KYNU: variants seen among roughly 807,000 people sequenced by gnomAD.
The protein encoded by KYNU is L-kynurenine hydrolase.
Under a neutral mutation model 59.2 loss-of-function variants are expected in KYNU, and 54 were observed. The observed-to-expected ratio is 0.91, with a 90% CI of 0.73 to 1.14. The LOEUF (loss-of-function observed/expected upper bound fraction) is 1.14. KYNU is among the 50% of genes most tolerant of loss of function. The pLI, the probability that KYNU is intolerant of heterozygous loss-of-function variation, is 0.00. For missense variants in KYNU, 567 were observed against 554.4 expected, an observed-to-expected ratio of 1.02 and a Z score of -0.23; for synonymous variants, 177 against 192.0, an observed-to-expected ratio of 0.92 and a Z score of 0.65.
intron 8 of KYNU, among the ~76,000 whole-genome samples, chr2:142,962,194 C>A (rs1481095975): frequency 6.6e-6 from 1 of 152,172 alleles, no homozygotes; most frequent in Non-Finnish European, 1.5e-5. Context: ...TCTCATTAAC[C>A]TTCCTAGACA....
At chr2:142,933,861 A>C (rs1369002787) in intron 4 of KYNU, among the ~76,000 whole-genome samples, 3 of 152,166 alleles carry the variant, frequency 2.0e-5, no homozygotes, top group Non-Finnish European at 2.9e-5. Context: ...AGCTGATGTG[A>C]AAGTTTGGAG....
chr2:142,933,428 A>T (rs1311121240), intron 4 of KYNU, among the ~76,000 whole-genome samples: 1 of 152,120 alleles, frequency 6.6e-6, no homozygotes, highest in African/African-American at 2.4e-5. Flanking sequence ...GCAGCTTGGT[A>T]TAATGGTTTG....
intron 10 of KYNU, among the ~76,000 whole-genome samples, chr2:142,998,652 A>G (rs1685615727): frequency 6.6e-6 from 1 of 152,108 alleles, no homozygotes; most frequent in Non-Finnish European, 1.5e-5. Flanking sequence ...TAGAGATTCT[A>G]AAAGAATAGA....
At chr2:143,018,087 G>A (rs913043365) in intron 10 of KYNU, among the ~76,000 whole-genome samples, 2 of 152,108 alleles carry the variant, frequency 1.3e-5, no homozygotes, top group South Asian at 2.1e-4. Flanking sequence ...CCATTCTATA[G>A]GTTGTATGTT....
At chr2:142,880,807 G>T (rs1226261377) in intron 1 of KYNU, among the ~76,000 whole-genome samples, 1 of 152,194 alleles carries the variant, frequency 6.6e-6, no homozygotes, top group Non-Finnish European at 1.5e-5. Flanking sequence ...ATGCCAAGCG[G>T]TAGAGACACA....
Position 142,915,575 on chromosome 2 carries a change from G to T in KYNU, c.170-3034G>T, listed in dbSNP as rs1002513721. On this transcript the variant is annotated intron_variant, in intron 2 of 13. Transcript: ENST00000264170. ...GAGTAAGCTCATAAGGTCCACAGTG[G>T]TGGACATTTTTGATGCACTAAAATG... is the stretch of plus-strand genomic sequence containing the variant. 7.2e-5 allele frequency among the ~76,000 whole-genome samples: 11 copies of T among 152,286 alleles called. No individual in the cohort carries two copies. In the East Asian group the frequency reaches 1.4e-3, roughly 19 times the overall value.
At chr2:142,996,349 C>T (rs763514813) in intron 10 of KYNU, among the ~76,000 whole-genome samples, 4 of 151,940 alleles carry the variant, frequency 2.6e-5, no homozygotes, top group African/African-American at 9.7e-5. Context: ...GTATGTTTAC[C>T]GAACATTATG....
rs531300250 is a variant in KYNU, at chr2:143,017,649, GC to G, written c.903-11977del. On this transcript the variant is annotated intron_variant, in intron 10 of 13. Transcript: ENST00000264170. ...GACATGGTTTCACCATGTTGGCCAG[GC>G]TGGTTTCAAACTCCTGACCTCAGGT... Among the ~76,000 whole-genome samples, 1,044 of 151,924 alleles carry G rather than the reference GC, an allele frequency of 6.9e-3. 8 individuals carry two copies. The highest frequency in any genetic ancestry group is 0.012 in the Non-Finnish European group (783 of 67,936).
At chr2:142,936,521 C>T (rs554216822) in intron 4 of KYNU, among the ~76,000 whole-genome samples, 16 of 152,250 alleles carry the variant, frequency 1.1e-4, no homozygotes, top group African/African-American at 3.6e-4. Context: ...TCCTGGACAG[C>T]TGGAGGGAGA....
intron 8 of KYNU, among the ~76,000 whole-genome samples, chr2:142,982,742 A>T (rs924542560): frequency 6.6e-6 from 1 of 152,116 alleles, no homozygotes; most frequent in Admixed American, 6.6e-5. Flanking sequence ...ATTAAGCACC[A>T]TATAAAACAG....
chr2:142,890,218 A>T (rs1385221898), intron 2 of KYNU, among the ~76,000 whole-genome samples: 1 of 152,178 alleles, frequency 6.6e-6, no homozygotes, highest in Non-Finnish European at 1.5e-5. Context: ...AGCAAGAGAA[A>T]TGCAAGGCAT....
At chr2:143,010,593 T>G (rs1241172784) in intron 10 of KYNU, among the ~76,000 whole-genome samples, 3 of 139,938 alleles carry the variant, frequency 2.1e-5, no homozygotes, top group African/African-American at 5.6e-5. Flanking sequence ...AAAAAGAGCC[T>G]GCATCACCAA....
chr2:142,939,969 CA>C (rs1424979939), intron 4 of KYNU, among the ~76,000 whole-genome samples: 1 of 152,158 alleles, frequency 6.6e-6, no homozygotes, highest in Non-Finnish European at 1.5e-5. Context: ...CAGTAAAGGC[CA>C]AAACCAAGAA....
chr2:143,018,835 A>G (rs1239816925), intron 10 of KYNU, among the ~76,000 whole-genome samples: 1 of 152,090 alleles, frequency 6.6e-6, no homozygotes, highest in African/African-American at 2.4e-5. Flanking sequence ...CCTTGTAAAG[A>G]TCATTCACTT....
At chr2:142,928,515 C>T (rs1481903549) in intron 4 of KYNU, among the ~76,000 whole-genome samples, 1 of 152,054 alleles carries the variant, frequency 6.6e-6, no homozygotes, top group African/African-American at 2.4e-5. Context: ...TTGCTTCATT[C>T]CATTTGAATC....
chr2:142,921,646 A>C (rs988937287), intron 3 of KYNU, among the ~76,000 whole-genome samples: 11 of 152,196 alleles, frequency 7.2e-5, no homozygotes, highest in South Asian at 2.1e-4. Flanking sequence ...CAACTCTACA[A>C]AAAAATACAA....
At chr2:142,983,583 C>G (rs1223543401) in intron 8 of KYNU, among the ~76,000 whole-genome samples, 1 of 152,044 alleles carries the variant, frequency 6.6e-6, no homozygotes, top group African/African-American at 2.4e-5. Context: ...ACTATTGACT[C>G]TTTCATATTA....
At chr2:142,901,812 C>T (rs1356813506) in intron 2 of KYNU, among the ~76,000 whole-genome samples, 2 of 152,088 alleles carry the variant, frequency 1.3e-5, no homozygotes, top group Non-Finnish European at 2.9e-5. Flanking sequence ...CTGCATACCT[C>T]GCTTTTGAAG....
At chr2:143,006,113 A>T (rs889742812) in intron 10 of KYNU, among the ~76,000 whole-genome samples, 1 of 152,076 alleles carries the variant, frequency 6.6e-6, no homozygotes, top group African/African-American at 2.4e-5. Flanking sequence ...AACGCAGAAG[A>T]CGGGTGATTT....
Sources: gnomAD v4.1 joint callset for allele counts (sites outside exome capture counted in the v4.1 genomes callset) on GRCh38, gnomAD v4.1.1 for gene constraint, MANE v1.5 for transcripts, NCBI Gene and HGNC (gene_info 2026-07-23, HGNC 2026-07-21) for gene names.